The following USP48 variants were observed in gnomAD, a reference collection of about 807,000 sequenced individuals.
The protein encoded by USP48 is ubiquitin specific peptidase 48, also known as ubiquitin carboxyl-terminal hydrolase 48.
Under a neutral mutation model 150.7 loss-of-function variants are expected in USP48, and 43 were observed. The observed-to-expected ratio is 0.29, with a 90% CI of 0.22 to 0.37. The LOEUF (loss-of-function observed/expected upper bound fraction) is 0.37. USP48 is among the 10% of genes least tolerant of loss of function. The pLI is 1.00. For synonymous variants in USP48, 396 were observed against 425.9 expected, an observed-to-expected ratio of 0.93 and a Z score of 0.86; for missense variants, 813 against 1,249.6, an observed-to-expected ratio of 0.65 and a Z score of 5.27.
intron 7 of USP48, among the ~76,000 whole-genome samples, chr1:21,747,380 A>C (rs1043719833): frequency 6.6e-6 from 1 of 152,224 alleles, no homozygotes; most frequent in Non-Finnish European, 1.5e-5. Flanking sequence ...ATTTTCCAGA[A>C]GTTTCAACTT....
chr1:21,745,502 G>A (rs960377024), intron 8 of USP48, among the ~76,000 whole-genome samples: 1 of 152,056 alleles, frequency 6.6e-6, no homozygotes, highest in African/African-American at 2.4e-5. Context: ...AGTCCGTGAT[G>A]AGCCGTGATC....
intron 15 of USP48, 24 bp from the exon 16 acceptor site, chr1:21,706,892 G>T (rs879086512): frequency 3.1e-6 from 4 of 1,293,738 alleles, no homozygotes; most frequent in Non-Finnish European, 4.2e-6. Flanking sequence ...AATATATTTG[G>T]AAAAAAAAAA....
intron 8 of USP48, among the ~76,000 whole-genome samples, chr1:21,745,418 T>TA (rs112976470): frequency 0.077 from 11,541 of 150,474 alleles, 494 homozygotes; most frequent in Middle Eastern, 0.11. Flanking sequence ...ACCCCGTCTC[T>TA]AAAAAAAAAT....
chr1:21,770,060 T>C (rs1255348754), intron 1 of USP48, among the ~76,000 whole-genome samples: 1 of 151,858 alleles, frequency 6.6e-6, no homozygotes, highest in Non-Finnish European at 1.5e-5. Context: ...CATTGGCTCA[T>C]GCTTATAATC....
At chr1:21,703,461 C>T in intron 21 of USP48, 51 bp downstream of exon 21, 1 of 1,455,116 alleles carries the variant, frequency 6.9e-7, no homozygotes, top group Non-Finnish European at 9.6e-7. Flanking sequence ...CAAATCAAGC[C>T]AAAGAGCACG....
intron 1 of USP48, among the ~76,000 whole-genome samples, chr1:21,772,799 G>A (rs2097885368): frequency 6.6e-6 from 1 of 151,164 alleles, no homozygotes; most frequent in Non-Finnish European, 1.5e-5. Flanking sequence ...GCACGGACCT[G>A]TAATCCCAGC....
chr1:21,737,414 T>C (rs1040314629), intron 8 of USP48, among the ~76,000 whole-genome samples: 2 of 152,248 alleles, frequency 1.3e-5, no homozygotes, highest in Non-Finnish European at 2.9e-5. Context: ...CTATGCTATT[T>C]TAATTAAATA....
At chr1:21,775,244 G>A (rs929908423) in intron 1 of USP48, among the ~76,000 whole-genome samples, 16 of 151,800 alleles carry the variant, frequency 1.1e-4, no homozygotes, top group Non-Finnish European at 1.6e-4. Flanking sequence ...ATGGGTCCTC[G>A]TTAGGGTTAT....
At chr1:21,753,147 G>T (rs752738486) in intron 3 of USP48, 28 bp from the exon 4 acceptor site, 9 of 1,579,056 alleles carry the variant, frequency 5.7e-6, no homozygotes, top group South Asian at 4.7e-5. Context: ...TAGATTTGGG[G>T]TTTTTTAAGG....
chr1:21,715,465 A>T lies in USP48; in HGVS notation c.1895-8T>A, dbSNP rs2097701684. ...TTTCTTCCTTTGATTCATCTAATCAAAAGAAATACAAATGATATCTGCTGT... is the reference window on the plus strand; with the variant it reads ...TTTCTTCCTTTGATTCATCTAATCATAAGAAATACAAATGATATCTGCTGT... On this transcript the variant is annotated splice_polypyrimidine_tract_variant and splice_region_variant and intron_variant, in intron 14 of 26. Transcript: ENST00000308271. The T allele has an allele frequency of 6.5e-7, 1 of 1,527,196 alleles. No homozygotes were observed. Among genetic ancestry groups the T allele is most frequent in the Non-Finnish European group, 9.1e-7 (1 of 1,104,016 alleles). The allele number at this position is 1,527,196 out of a possible 1,614,324, so 94.6% of individuals were successfully genotyped here. A position where few individuals can be genotyped will look rare whatever the true frequency, so the allele number is the denominator to read the frequency against.
chr1:21,701,958 T>A lies in USP48; in HGVS notation c.2623-356A>T, dbSNP rs1288307982. Among the ~76,000 whole-genome samples, 55 of 152,212 alleles carry A rather than the reference T, an allele frequency of 3.6e-4. 2 individuals are homozygous for A. The highest frequency in any genetic ancestry group is 3.5e-3 in the Admixed American group (54 of 15,282). On this transcript the variant is annotated intron_variant, in intron 21 of 26. Coordinates refer to ENST00000308271, the MANE Select transcript of USP48 (RefSeq NM_032236.8). Reference sequence around the variant, plus strand: ...ACACTGATTGCCAAGCCTTTTCAAGTTCTCAAACTATTCAAGTGGCAGGAG... The same window carrying A: ...ACACTGATTGCCAAGCCTTTTCAAGATCTCAAACTATTCAAGTGGCAGGAG...
intron 23 of USP48, among the ~76,000 whole-genome samples, chr1:21,693,346 G>A (rs2097609229): frequency 6.6e-6 from 1 of 152,154 alleles, no homozygotes; most frequent in Non-Finnish European, 1.5e-5. Flanking sequence ...TATCCACACT[G>A]CCAGGCAAAT....
In USP48 at chr1:21,717,199, T is replaced by C. The variant is rs180996163; in HGVS notation, c.1895-1742A>G. ...CAGGCAGATCACATGAGCCCAGGAG[T>C]TCAAGACCAGCCTGAGCAACATGGC... On this transcript the variant is annotated intron_variant, in intron 14 of 26. Coordinates refer to ENST00000308271, the MANE Select transcript of USP48 (RefSeq NM_032236.8). 1.3e-3 allele frequency among the ~76,000 whole-genome samples: 192 copies of C among 149,908 alleles called. 3 individuals carry two copies. The East Asian group carries it at 0.017, about 13-fold the overall frequency.
At chr1:21,757,443 T>C (rs1487953278) in intron 2 of USP48, 2 of 387,388 alleles carry the variant, frequency 5.2e-6, no homozygotes, top group Admixed American at 8.8e-5. Flanking sequence ...ACTAAAACTA[T>C]TATTTAAAGG....
chr1:21,765,930 A>C (rs1384901139), intron 1 of USP48, among the ~76,000 whole-genome samples: 1 of 140,824 alleles, frequency 7.1e-6, no homozygotes, highest in Non-Finnish European at 1.5e-5. Context: ...AAAAAAAAAA[A>C]AAAAAAAGGC....
intron 1 of USP48, among the ~76,000 whole-genome samples, chr1:21,771,889 G>C (rs2097881878): frequency 6.6e-6 from 1 of 151,342 alleles, no homozygotes; most frequent in Admixed American, 6.6e-5. Context: ...TTGCACTCCA[G>C]CCTGGGCAAC....
chr1:21,706,480 C>T lies in USP48; in HGVS notation c.2198G>A (p.Ser733Asn), dbSNP rs572909477. Residue 733 changes from serine to asparagine, a missense_variant, in exon 17 of 27, where the codon AGT (serine) becomes AAT (asparagine). Physicochemically the swap from Ser to Asn is conservative, Grantham distance 46. Coordinates refer to ENST00000308271, the MANE Select transcript of USP48 (RefSeq NM_032236.8). ...GAATCATTATACCTCTGGCCAGTTA[C>T]TGAGACACGGTCTGTTTTTATCCTG... ...LFQDKNRPCLSNWPEDTDVLY... is the reference protein window; with the variant it reads ...LFQDKNRPCLNNWPEDTDVLY... 1 of 1,614,182 alleles carries T rather than the reference C, an allele frequency of 6.2e-7. No individual in the cohort carries two copies. The highest frequency in any genetic ancestry group is 1.3e-5 in the African/African-American group (1 of 75,048).
At chr1:21,752,474 T>C in intron 5 of USP48, 53 bp downstream of exon 5, 1 of 1,590,096 alleles carries the variant, frequency 6.3e-7, no homozygotes, top group Non-Finnish European at 8.5e-7. Context: ...AGTTAACATA[T>C]GAGCAACTGT....
intron 22 of USP48, 45 bp downstream of exon 22, chr1:21,701,453 A>G: frequency 1.3e-6 from 2 of 1,554,252 alleles, no homozygotes; most frequent in Non-Finnish European, 1.8e-6. Flanking sequence ...CTGCTCTATA[A>G]GAACAGCAGA....
Sources: allele counts gnomAD v4.1 joint callset (sites outside exome capture counted in the v4.1 genomes callset), GRCh38; gene constraint gnomAD v4.1.1; transcripts MANE v1.5; gene names NCBI Gene and HGNC (gene_info 2026-07-23, HGNC 2026-07-21).